The following SREK1IP1 variants were observed in gnomAD, a reference collection of about 807,000 sequenced individuals.
The protein encoded by SREK1IP1 is protein SREK1IP1.
SREK1IP1 carries 12 observed loss-of-function variants against 22.8 expected under a neutral mutation model. The ratio of observed to expected loss-of-function variants is 0.53; its 90% confidence interval spans 0.34 to 0.85. The LOEUF is 0.85. Among genes scored for constraint, SREK1IP1 ranks in the 40% least tolerant of loss-of-function variants. The probability of loss-of-function intolerance (pLI) is 0.02; values close to 1 mark genes in which losing one functional copy is unlikely to be tolerated. For synonymous variants in SREK1IP1, 53 were observed against 52.7 expected, an observed-to-expected ratio of 1.01 and a Z score of -0.02; for missense variants, 147 against 171.8, an observed-to-expected ratio of 0.86 and a Z score of 0.81.
rs3756739 is a variant in SREK1IP1, at chr5:64,768,584, G to C, written c.-67C>G. 250,560 of 1,611,176 alleles carry C rather than the reference G, an allele frequency of 0.16. 23,388 individuals are homozygous for C. Among genetic ancestry groups the C allele is most frequent in the East Asian group, 0.5 (22,520 of 44,794 alleles). On this transcript the variant is annotated 5_prime_UTR_variant, in exon 1 of 5. Coordinates refer to ENST00000513458, the MANE Select transcript of SREK1IP1 (RefSeq NM_173829.4). ...AAGGCGCTTGCTTCCCGCCAGCTGT[G>C]AGAACAAGGCACAGTCAAAGCGGCG...
Position 64,731,436 on chromosome 5 carries a change from C to T in SREK1IP1, c.206-3257G>A, listed in dbSNP as rs187516793. Among the ~76,000 whole-genome samples, 591 of 151,140 alleles carry T rather than the reference C, an allele frequency of 3.9e-3. 1 individual carries two copies. The highest frequency in any genetic ancestry group is 0.013 in the African/African-American group (549 of 40,934). ...AGGCTGAGGCGGAGGACTGCTTGGG[C>T]CCAGGAGTTTGAGGCTGCAGTGATT... On this transcript the variant is annotated intron_variant, in intron 3 of 4. Coordinates refer to ENST00000513458, the MANE Select transcript of SREK1IP1 (RefSeq NM_173829.4).
At chr5:64,751,545 G>T (rs1742740293) in intron 2 of SREK1IP1, among the ~76,000 whole-genome samples, 1 of 152,196 alleles carries the variant, frequency 6.6e-6, no homozygotes, top group Non-Finnish European at 1.5e-5. Context: ...CAAAGGGAAT[G>T]CCATTGGCAT....
rs568369140 is a variant in SREK1IP1, at chr5:64,748,007, A to G, written c.61+6308T>C. On this transcript the variant is annotated intron_variant, in intron 2 of 4. Transcript: ENST00000513458. The stretch of plus-strand genomic sequence containing the variant: ...AATTCTGCTCCTATGTACATACCCC[A>G]AAGAATTGAAAACAGGGACTCAAAC... Among the ~76,000 whole-genome samples the G allele has an allele frequency of 9.1e-4, 138 of 152,332 alleles. 1 individual carries two copies. Among genetic ancestry groups the G allele is most frequent in the African/African-American group, 3.2e-3 (135 of 41,570 alleles).
chr5:64,763,984 T>C (rs191730753), intron 1 of SREK1IP1, among the ~76,000 whole-genome samples: 1 of 152,314 alleles, frequency 6.6e-6, no homozygotes, highest in African/African-American at 2.4e-5. Flanking sequence ...AACATAACAG[T>C]GGTGTGAGTT....
intron 1 of SREK1IP1, among the ~76,000 whole-genome samples, chr5:64,762,032 G>C (rs566543025): frequency 6.6e-6 from 1 of 152,294 alleles, no homozygotes; most frequent in South Asian, 2.1e-4. Context: ...GTCCGCAAAG[G>C]AATGTCATAT....
intron 1 of SREK1IP1, among the ~76,000 whole-genome samples, chr5:64,764,287 A>C (rs1161985959): frequency 6.6e-6 from 1 of 152,220 alleles, no homozygotes; most frequent in East Asian, 1.9e-4. Flanking sequence ...GCTGTAATCC[A>C]TGATAGAATG....
intron 3 of SREK1IP1, 60 bp downstream of exon 3, chr5:64,740,997 G>C: frequency 6.9e-7 from 1 of 1,445,404 alleles, no homozygotes; most frequent in Non-Finnish European, 9.6e-7. Flanking sequence ...TGGAAAGCAT[G>C]ATATAATATG....
intron 1 of SREK1IP1, chr5:64,754,718 C>G (rs930498108): frequency 2.2e-5 from 4 of 185,720 alleles, no homozygotes; most frequent in African/African-American, 9.3e-5. Flanking sequence ...CCTCTGGCCT[C>G]TCAAGGTGCT....
At chr5:64,761,937 A>G (rs908936641) in intron 1 of SREK1IP1, among the ~76,000 whole-genome samples, 3 of 152,260 alleles carry the variant, frequency 2.0e-5, no homozygotes, top group Admixed American at 1.3e-4. Context: ...TGAGAAAACC[A>G]AAAAGAAGGG....
At chr5:64,743,471 ATTG>A (rs1742582720) in intron 2 of SREK1IP1, among the ~76,000 whole-genome samples, 2 of 152,176 alleles carry the variant, frequency 1.3e-5, no homozygotes, top group African/African-American at 4.8e-5. Flanking sequence ...ACAACCATAT[ATTG>A]TTATTTGTTG....
At chr5:64,728,004 G>GA (rs1742304313) in intron 4 of SREK1IP1, 103 bp downstream of exon 4, 1 of 1,007,952 alleles carries the variant, frequency 9.9e-7, no homozygotes, top group Non-Finnish European at 1.2e-6. Flanking sequence ...AGTTGTTGAA[G>GA]AAAAAATATT....
rs567546857 is a variant in SREK1IP1 at position 64,721,681 on chromosome 5, A to G, written c.*2703T>C. ...GTTCCAGATGCAAACCTAAATATAAATTCTGCCTGCATTTGGTGAAAATGA... is the reference window on the plus strand; with the variant it reads ...GTTCCAGATGCAAACCTAAATATAAGTTCTGCCTGCATTTGGTGAAAATGA... On this transcript the variant is annotated 3_prime_UTR_variant, in exon 5 of 5. Transcript: ENST00000513458. 3.6e-4 allele frequency: 55 copies of G among 152,250 alleles called. No homozygotes were observed. The highest frequency in any genetic ancestry group is 1.3e-3 in the African/African-American group (54 of 41,552). The allele number at this position is 152,250 out of a possible 1,614,324, so 9.4% of individuals were successfully genotyped here.
At chr5:64,732,240 A>G (rs1220145407) in intron 3 of SREK1IP1, among the ~76,000 whole-genome samples, 3 of 152,164 alleles carry the variant, frequency 2.0e-5, no homozygotes, top group Admixed American at 2.0e-4. Flanking sequence ...GAATGAATAA[A>G]TGATTTTTGA....
chr5:64,766,367 T>C (rs1743032719), intron 1 of SREK1IP1, among the ~76,000 whole-genome samples: 1 of 152,100 alleles, frequency 6.6e-6, no homozygotes, highest in African/African-American at 2.4e-5. Flanking sequence ...GTAAACCTCA[T>C]TTCCTCTTTT....
rs921154667 is a variant in SREK1IP1, at chr5:64,722,945, C to T, written c.*1439G>A. ...AGCCTGTGAGGTTAAGTATACTTAG[C>T]TGATTTCACTATCATGAATTCACCT... On this transcript the variant is annotated 3_prime_UTR_variant, in exon 5 of 5. Transcript: ENST00000513458. 6 of 152,178 alleles carry T rather than the reference C, an allele frequency of 3.9e-5. No individual in the cohort carries two copies. Among genetic ancestry groups the T allele is most frequent in the African/African-American group, 7.2e-5 (3 of 41,430 alleles). 9.4% of individuals were successfully genotyped at this position (152,178 alleles called of 1,614,324 possible).
rs763037523 is a variant in SREK1IP1, at chr5:64,741,109, A to G, written c.153T>C (p.Asp51=). ...VLDVSSTSSE[D]SDEENEELNK... ...TCAGTTCTTCATTCTCTTCATCGCT[A>G]TCTTCACTACTTGTACTGCTGACAT... is the stretch of plus-strand genomic sequence containing the variant. The change falls in exon 3 of 5, where the codon GAT becomes GAC. Residue 51 remains aspartate (D), a synonymous_variant. Coordinates refer to ENST00000513458, the MANE Select transcript of SREK1IP1 (RefSeq NM_173829.4). 7 of 1,613,074 alleles carry G rather than the reference A, an allele frequency of 4.3e-6. No individual in the cohort carries two copies. Among genetic ancestry groups the G allele is most frequent in the South Asian group, 1.1e-5 (1 of 91,032 alleles).
At chr5:64,745,893 C>G (rs1000714117) in intron 2 of SREK1IP1, among the ~76,000 whole-genome samples, 15 of 151,582 alleles carry the variant, frequency 9.9e-5, no homozygotes, top group African/African-American at 3.2e-4. Context: ...GTTCTTATGG[C>G]TAGCAATCTA....
intron 3 of SREK1IP1, among the ~76,000 whole-genome samples, chr5:64,736,692 A>T (rs1742467352): frequency 6.6e-6 from 1 of 152,056 alleles, no homozygotes; most frequent in South Asian, 2.1e-4. Context: ...TGAACTCCTG[A>T]CCTTAGGTGA....
chr5:64,753,285 G>A (rs1742779628), intron 2 of SREK1IP1, among the ~76,000 whole-genome samples: 1 of 152,162 alleles, frequency 6.6e-6, no homozygotes, highest in African/African-American at 2.4e-5. Flanking sequence ...AGGTAAGTCA[G>A]CAATGATTAA....
Sources: allele counts gnomAD v4.1 joint callset (sites outside exome capture counted in the v4.1 genomes callset), GRCh38; gene constraint gnomAD v4.1.1; transcripts MANE v1.5; gene names NCBI Gene and HGNC (gene_info 2026-07-23, HGNC 2026-07-21).